MEGF10: variants seen among roughly 807,000 people sequenced by gnomAD.
MEGF10 encodes the protein multiple EGF like domains 10, also known as multiple epidermal growth factor-like domains protein 10.
A neutral mutation model predicts 147.5 loss-of-function variants in MEGF10; 86 were observed. That is an observed-to-expected ratio of 0.58 (90% CI 0.49 to 0.70). The LOEUF (loss-of-function observed/expected upper bound fraction) is 0.70, where lower values mean the gene tolerates loss of function less well. Among genes scored for constraint, MEGF10 ranks in the 30% least tolerant of loss-of-function variants. The pLI is 0.00. For missense variants in MEGF10, 1,329 were observed against 1,487.3 expected, an observed-to-expected ratio of 0.89 and a Z score of 1.75; for synonymous variants, 478 against 525.5, an observed-to-expected ratio of 0.91 and a Z score of 1.24.
the MEGF10 span, among the ~76,000 whole-genome samples, chr5:127,285,757 C>T: frequency 6.6e-6 from 1 of 151,954 alleles, no homozygotes; most frequent in Non-Finnish European, 1.5e-5. Flanking sequence ...TTCTTGCTGG[C>T]TGTAATAAAA....
chr5:127,252,255 C>A, the MEGF10 span, among the ~76,000 whole-genome samples: 1 of 151,176 alleles, frequency 6.6e-6, no homozygotes, highest in African/African-American at 2.4e-5. Context: ...CTTAGTTATT[C>A]CACATTTATG....
chr5:127,378,985 T>C (rs1203594071), intron 5 of MEGF10, among the ~76,000 whole-genome samples: 6 of 152,028 alleles, frequency 3.9e-5, no homozygotes, highest in African/African-American at 1.4e-4. Flanking sequence ...CTTGTGCTAG[T>C]GAGTTCATGC....
At chr5:127,350,749 A>G (rs541756608) in intron 4 of MEGF10, among the ~76,000 whole-genome samples, 2 of 152,180 alleles carry the variant, frequency 1.3e-5, no homozygotes, top group South Asian at 4.1e-4. Context: ...AAAGACATAA[A>G]TTTGTTGTAT....
intron 20 of MEGF10, among the ~76,000 whole-genome samples, chr5:127,446,417 T>G (rs776526863): frequency 6.6e-6 from 1 of 152,184 alleles, no homozygotes; most frequent in Non-Finnish European, 1.5e-5. Context: ...TACATAGTAG[T>G]GCATTTTCAG....
intron 2 of MEGF10, among the ~76,000 whole-genome samples, chr5:127,333,527 A>T (rs1344138875): frequency 1.3e-5 from 2 of 152,038 alleles, no homozygotes; most frequent in African/African-American, 4.8e-5. Flanking sequence ...AATAAAAATA[A>T]AAATAAAAAA....
intron 7 of MEGF10, among the ~76,000 whole-genome samples, chr5:127,401,052 G>T (rs1036069538): frequency 6.6e-6 from 1 of 152,126 alleles, no homozygotes; most frequent in South Asian, 2.1e-4. Flanking sequence ...CTTTATGCAC[G>T]AAAATATTTC....
At chr5:127,393,186 C>T (rs1763769762) in intron 5 of MEGF10, among the ~76,000 whole-genome samples, 1 of 152,166 alleles carries the variant, frequency 6.6e-6, no homozygotes, top group African/African-American at 2.4e-5. Context: ...AAACTCTTGC[C>T]CTGTGAGATT....
At chr5:127,307,281 G>T (rs986012819) in intron 1 of MEGF10, among the ~76,000 whole-genome samples, 2 of 152,112 alleles carry the variant, frequency 1.3e-5, no homozygotes, top group Admixed American at 1.3e-4. Flanking sequence ...AGATCAAAAA[G>T]TCCCTTCCCA....
At chr5:127,378,899 A>T (rs754772616) in intron 5 of MEGF10, among the ~76,000 whole-genome samples, 7 of 151,226 alleles carry the variant, frequency 4.6e-5, no homozygotes, top group Non-Finnish European at 2.9e-5. Context: ...CTGATCACAG[A>T]TGTCCTTACC....
chr5:127,421,469 G>C (rs1017861939), intron 12 of MEGF10, among the ~76,000 whole-genome samples: 70 of 152,216 alleles, frequency 4.6e-4, no homozygotes, highest in Middle Eastern at 3.4e-3. Context: ...GGTGGTGTTG[G>C]GAAGGCTTGT....
intron 1 of MEGF10, among the ~76,000 whole-genome samples, chr5:127,318,067 C>T (rs1193951214): frequency 6.6e-6 from 1 of 152,068 alleles, no homozygotes; most frequent in Non-Finnish European, 1.5e-5. Context: ...ACTTTGCTCT[C>T]AGTAATGGGA....
intron 5 of MEGF10, among the ~76,000 whole-genome samples, chr5:127,395,733 A>T (rs1413054262): frequency 6.6e-6 from 1 of 151,708 alleles, no homozygotes; most frequent in African/African-American, 2.4e-5. Context: ...TTTAGTAGAG[A>T]TGGGGTTTCA....
At chr5:127,264,814 CT>C in the MEGF10 span, among the ~76,000 whole-genome samples, 22 of 151,474 alleles carry the variant, frequency 1.5e-4, no homozygotes, top group African/African-American at 2.9e-4. Flanking sequence ...AAATTTCCAA[CT>C]TTTTTTTTCA....
chr5:127,364,870 C>T (rs556394467), intron 4 of MEGF10, among the ~76,000 whole-genome samples: 4 of 152,162 alleles, frequency 2.6e-5, no homozygotes, highest in Admixed American at 6.5e-5. Flanking sequence ...CCATTAAAAT[C>T]CATCTTATGT....
chr5:127,404,957 C>G lies in MEGF10; in HGVS notation c.917+2275C>G, dbSNP rs527265973. ...TATCGAACTCCTGAGCTCAGGCAAT[C>G]TGCCTGCCTCAGCCTCCCAAAGTGC... On this transcript the variant is annotated intron_variant, in intron 8 of 24. Transcript: ENST00000503335. 3.6e-4 allele frequency among the ~76,000 whole-genome samples: 55 copies of G among 152,228 alleles called. No homozygotes were observed. In the South Asian group the frequency reaches 0.011, roughly 32 times the overall value.
intron 1 of MEGF10, among the ~76,000 whole-genome samples, chr5:127,314,418 T>C (rs1231496309): frequency 1.3e-5 from 2 of 152,188 alleles, no homozygotes; most frequent in African/African-American, 2.4e-5. Flanking sequence ...GTGGGATTGG[T>C]TATGTCAAAA....
intron 1 of MEGF10, among the ~76,000 whole-genome samples, chr5:127,326,170 T>C (rs1308394778): frequency 6.6e-6 from 1 of 151,946 alleles, no homozygotes; most frequent in Non-Finnish European, 1.5e-5. Context: ...CTACCTCGGC[T>C]TCCCAAAGTA....
rs553408649 is a variant in MEGF10 at position 127,400,213 on chromosome 5, A to C, written c.780+1417A>C. Among the ~76,000 whole-genome samples the C allele has an allele frequency of 2.6e-5, 4 of 152,334 alleles. No homozygotes were observed. The South Asian group carries it at 8.3e-4, about 32-fold the overall frequency. ...TAGAAATGGTGAGTAGCCCAGACAA[A>C]GTTCATTCTGGAGCCAAAGCATGGA... On this transcript the variant is annotated intron_variant, in intron 7 of 24. Transcript: ENST00000503335.
the MEGF10 span, among the ~76,000 whole-genome samples, chr5:127,256,086 C>T: frequency 2.2e-4 from 33 of 152,316 alleles, no homozygotes; most frequent in African/African-American, 6.7e-4. Context: ...CTGCCCTAAC[C>T]AAAGCCTGGA....
Sources: gnomAD v4.1 joint callset for allele counts (sites outside exome capture counted in the v4.1 genomes callset) on GRCh38, gnomAD v4.1.1 for gene constraint, MANE v1.5 for transcripts, NCBI Gene and HGNC (gene_info 2026-07-23, HGNC 2026-07-21) for gene names.